Variants in ASTN2 observed in about 807,000 individuals in gnomAD.
ASTN2 encodes the protein astrotactin-2.
Under a neutral mutation model 139.8 loss-of-function variants are expected in ASTN2, and 54 were observed. The ratio of observed to expected loss-of-function variants is 0.39; its 90% CI spans 0.31 to 0.48. The LOEUF (loss-of-function observed/expected upper bound fraction) is 0.48, where lower values mean the gene tolerates loss of function less well. Among genes scored for constraint, ASTN2 ranks in the 20% least tolerant of loss-of-function variants. The pLI, the probability that ASTN2 is intolerant of heterozygous loss-of-function variation, is 0.95. For synonymous variants in ASTN2, 756 were observed against 719.5 expected (o/e 1.05, Z -0.81); for missense variants, 1,565 against 1,725.1 (o/e 0.91, Z 1.64).
chr9:116,696,948 A>AT (rs1396484797), intron 16 of ASTN2, among the ~76,000 whole-genome samples: 2 of 85,824 alleles, frequency 2.3e-5, no homozygotes, highest in African/African-American at 3.8e-5. Flanking sequence ...CTGTGACATG[A>AT]TTAAAAAAAA....
chr9:117,102,074 G>A (rs1828991799), intron 4 of ASTN2, among the ~76,000 whole-genome samples: 2 of 152,096 alleles, frequency 1.3e-5, no homozygotes, highest in Admixed American at 1.3e-4. Flanking sequence ...ATTCAAACAA[G>A]TATCTGTACA....
chr9:117,242,435 A>G (rs935827958), intron 2 of ASTN2, among the ~76,000 whole-genome samples: 1 of 152,192 alleles, frequency 6.6e-6, no homozygotes, highest in African/African-American at 2.4e-5. Flanking sequence ...GAGTCTGGAA[A>G]AGCAAGGATA....
intron 19 of ASTN2, among the ~76,000 whole-genome samples, chr9:116,615,631 A>T (rs1588086915): frequency 6.6e-6 from 1 of 151,860 alleles, no homozygotes; most frequent in East Asian, 1.9e-4. Flanking sequence ...AAGGACAGAA[A>T]ACCAAACACC....
chr9:117,312,542 C>A (rs1828007042), intron 1 of ASTN2, among the ~76,000 whole-genome samples: 1 of 152,126 alleles, frequency 6.6e-6, no homozygotes, highest in African/African-American at 2.4e-5. Context: ...ATTGAAGTTT[C>A]CATTTACAAT....
At chr9:117,384,807 G>C (rs928046666) in intron 1 of ASTN2, among the ~76,000 whole-genome samples, 10 of 152,196 alleles carry the variant, frequency 6.6e-5, no homozygotes, top group African/African-American at 2.4e-4. Flanking sequence ...CCCTAGCAAA[G>C]GGAATGGGTG....
At chr9:117,117,527 C>T (rs567466178) in intron 4 of ASTN2, among the ~76,000 whole-genome samples, 2 of 152,164 alleles carry the variant, frequency 1.3e-5, no homozygotes, top group East Asian at 3.9e-4. Flanking sequence ...TGAGCAGAGG[C>T]TTTTTCTCTC....
At position 116,948,785 on chromosome 9, in the gene ASTN2, G is replaced by GTTTTTTTTTT. The variant is rs58832163; in HGVS notation, c.1889+26413_1889+26422dup. On this transcript the variant is annotated intron_variant, in intron 10 of 22. Coordinates refer to ENST00000313400, the MANE Select transcript of ASTN2 (RefSeq NM_001365068.1). The stretch of plus-strand genomic sequence containing the variant: ...AGAGAGAGGAGAGAAATAATTTGGT[G>GTTTTTTTTTT]TTTTTTTTTTTTTTTTTTTTTTTTT... 5.1e-3 allele frequency among the ~76,000 whole-genome samples: 251 copies of GTTTTTTTTTT among 49,470 alleles called. 67 individuals carry two copies. Among genetic ancestry groups the GTTTTTTTTTT allele is most frequent in the African/African-American group, 0.021 (245 of 11,586 alleles). The allele number at this position is 49,470 out of a possible 152,430, so 32.5% of individuals were successfully genotyped here.
intron 7 of ASTN2, among the ~76,000 whole-genome samples, chr9:117,003,948 G>GCA (rs1247809422): frequency 4.1e-4 from 58 of 142,996 alleles, no homozygotes; most frequent in African/African-American, 1.4e-3. Flanking sequence ...TCACGCGCGC[G>GCA]CGCGCGTGTG....
At chr9:117,357,694 T>C (rs1279802829) in intron 1 of ASTN2, among the ~76,000 whole-genome samples, 2 of 152,168 alleles carry the variant, frequency 1.3e-5, no homozygotes, top group African/African-American at 2.4e-5. Context: ...TGTCTAGTCT[T>C]GAGTTAAGAA....
At position 116,714,949 on chromosome 9, in the gene ASTN2, G is replaced by A. The variant is rs549046856; in HGVS notation, c.2806+10822C>T. 1.7e-3 allele frequency among the ~76,000 whole-genome samples: 53 copies of A among 30,462 alleles called. 23 individuals carry two copies. In the South Asian group the frequency reaches 0.055, roughly 32 times the overall value. The allele number at this position is 30,462 out of a possible 152,430, so 20.0% of individuals were successfully genotyped here. A position where few individuals can be genotyped will look rare whatever the true frequency, so the allele number is the denominator to read the frequency against. On this transcript the variant is annotated intron_variant, in intron 16 of 22. Transcript: ENST00000313400. ...AAAAAAATTAGCCGGGCGTAGTGGCGGGCGCCTGTAGTCCCAGCTACTTGG... is the reference window on the plus strand; with the variant it reads ...AAAAAAATTAGCCGGGCGTAGTGGCAGGCGCCTGTAGTCCCAGCTACTTGG...
intron 19 of ASTN2, among the ~76,000 whole-genome samples, chr9:116,520,731 T>C (rs1001703168): frequency 1.3e-5 from 2 of 152,078 alleles, no homozygotes; most frequent in Non-Finnish European, 2.9e-5. Flanking sequence ...ACTGATGATA[T>C]AATCATATAC....
chr9:116,509,821 C>T (rs1850288215), intron 19 of ASTN2, among the ~76,000 whole-genome samples: 1 of 152,180 alleles, frequency 6.6e-6, no homozygotes, highest in Admixed American at 6.5e-5. Flanking sequence ...CAAGAAGTGT[C>T]TGTTGATGTC....
At chr9:117,210,994 A>AG (rs397763248) in intron 3 of ASTN2, among the ~76,000 whole-genome samples, 15 of 151,198 alleles carry the variant, frequency 9.9e-5, no homozygotes, top group Admixed American at 9.2e-4. Context: ...AAAAAAAAAA[A>AG]GCTTTTGAAA....
chr9:117,168,836 G>T (rs995964167), intron 3 of ASTN2, among the ~76,000 whole-genome samples: 3 of 152,018 alleles, frequency 2.0e-5, no homozygotes, highest in South Asian at 2.1e-4. Flanking sequence ...ATTGCAGTTT[G>T]TTTTTTTCAT....
chr9:116,507,224 A>G (rs982394922), intron 19 of ASTN2, among the ~76,000 whole-genome samples: 2 of 152,184 alleles, frequency 1.3e-5, no homozygotes, highest in Non-Finnish European at 2.9e-5. Context: ...TAGGACCCAG[A>G]GATATCCAAG....
intron 10 of ASTN2, among the ~76,000 whole-genome samples, chr9:116,888,711 A>T (rs1045973775): frequency 2.7e-5 from 4 of 150,742 alleles, no homozygotes; most frequent in African/African-American, 7.4e-5. Context: ...AAAAAAAAAA[A>T]TAAGTTCTGG....
intron 2 of ASTN2, among the ~76,000 whole-genome samples, chr9:117,241,107 C>T (rs575610732): frequency 3.3e-4 from 51 of 152,312 alleles, no homozygotes; most frequent in African/African-American, 1.2e-3. Flanking sequence ...CTAGTGGGAC[C>T]ATTCGCTCTG....
At chr9:117,239,973 G>T (rs972747964) in intron 2 of ASTN2, among the ~76,000 whole-genome samples, 1 of 152,126 alleles carries the variant, frequency 6.6e-6, no homozygotes, top group African/African-American at 2.4e-5. Flanking sequence ...CCTACAATGG[G>T]TGTTACATCT....
At chr9:117,165,203 A>C (rs1830642913) in intron 3 of ASTN2, among the ~76,000 whole-genome samples, 1 of 151,998 alleles carries the variant, frequency 6.6e-6, no homozygotes, top group South Asian at 2.1e-4. Flanking sequence ...TTGCATTTAC[A>C]CTGACGTAGA....
Sources: allele counts gnomAD v4.1 joint callset (sites outside exome capture counted in the v4.1 genomes callset), GRCh38; gene constraint gnomAD v4.1.1; transcripts MANE v1.5; gene names NCBI Gene and HGNC (gene_info 2026-07-23, HGNC 2026-07-21).